The following PRR11 variants were observed in gnomAD, a reference collection of about 807,000 sequenced individuals.
PRR11 encodes the protein proline-rich protein 11.
A neutral mutation model predicts 45.6 loss-of-function variants in PRR11; 30 were observed. The observed-to-expected ratio is 0.66, with a 90% CI of 0.49 to 0.89. The LOEUF is 0.89. Ranked by LOEUF, PRR11 falls within the 40% of genes least tolerant of loss-of-function variation. The probability of loss-of-function intolerance (pLI) is 0.00; values close to 1 mark genes in which losing one functional copy is unlikely to be tolerated. For synonymous variants in PRR11, 128 were observed against 153.5 expected (o/e 0.83, Z 1.23); for missense variants, 373 against 424.8 (o/e 0.88, Z 1.07).
Position 59,201,637 on chromosome 17 carries a change from A to C in PRR11, c.*6A>C. 1 of 1,612,726 alleles carries C rather than the reference A, an allele frequency of 6.2e-7. No homozygotes were observed. Among genetic ancestry groups the C allele is most frequent in the Non-Finnish European group, 8.5e-7 (1 of 1,179,130 alleles). ...GCTTTGATGAACAAAACTGATGCCA[A>C]CTCTGCCTCACTCCATGAGATGATC... On this transcript the variant is annotated 3_prime_UTR_variant, in exon 10 of 10. Transcript: ENST00000262293.
rs536068531 is a variant in PRR11, at chr17:59,191,701, C to G, written c.403-1791C>G. Reference sequence around the variant, plus strand: ...TAAATGTAACCAAGTGCCTGTATTACATTACCCCTCTTTTCAATATCCAGA... The same window carrying G: ...TAAATGTAACCAAGTGCCTGTATTAGATTACCCCTCTTTTCAATATCCAGA... On this transcript the variant is annotated intron_variant, in intron 4 of 9. Transcript: ENST00000262293. Among the ~76,000 whole-genome samples, 103 of 152,226 alleles carry G rather than the reference C, an allele frequency of 6.8e-4. 1 individual carries two copies. Among genetic ancestry groups the G allele is most frequent in the Non-Finnish European group, 1.4e-3 (93 of 68,020 alleles).
chr17:59,188,543 T>C (rs1252926868), intron 4 of PRR11, among the ~76,000 whole-genome samples: 1 of 152,152 alleles, frequency 6.6e-6, no homozygotes, highest in Non-Finnish European at 1.5e-5. Flanking sequence ...AATTTAATAC[T>C]ATGTAGCCGT....
chr17:59,173,678 G>C (rs1238626060), intron 2 of PRR11, among the ~76,000 whole-genome samples: 1 of 152,164 alleles, frequency 6.6e-6, no homozygotes, highest in East Asian at 1.9e-4. Flanking sequence ...GTAACATGGC[G>C]AGGGTTGGCA....
At chr17:59,177,877 T>G (rs1404772467) in intron 2 of PRR11, among the ~76,000 whole-genome samples, 2 of 152,042 alleles carry the variant, frequency 1.3e-5, no homozygotes, top group African/African-American at 4.8e-5. Context: ...TGATGGCATG[T>G]GCCTGTACTC....
intron 9 of PRR11, among the ~76,000 whole-genome samples, chr17:59,200,898 T>A (rs886500551): frequency 6.6e-6 from 1 of 152,166 alleles, no homozygotes; most frequent in Non-Finnish European, 1.5e-5. Context: ...GTGCTGGGAT[T>A]ACAGGCGTGA....
intron 1 of PRR11, among the ~76,000 whole-genome samples, chr17:59,166,629 A>AGTGTATAGCATATTAGT (rs1226011099): frequency 7.9e-5 from 12 of 152,162 alleles, no homozygotes; most frequent in Admixed American, 2.0e-4. Flanking sequence ...GATATATGTT[A>AGTGTATAGCATATTAGT]GTGTATAGCA....
At chr17:59,191,103 G>A (rs2046838746) in intron 4 of PRR11, among the ~76,000 whole-genome samples, 1 of 152,194 alleles carries the variant, frequency 6.6e-6, no homozygotes, top group Non-Finnish European at 1.5e-5. Flanking sequence ...GAGAAGGCAA[G>A]GAGTTTCCTC....
rs115187004 is a variant in PRR11 at position 59,174,224 on chromosome 17, T to G, written c.128+4344T>G. ...ACCCTCAAAGAATGTGGCTTTGGACTTCATCACAACTGGGGCCTTTTGCAT... is the reference window on the plus strand; with the variant it reads ...ACCCTCAAAGAATGTGGCTTTGGACGTCATCACAACTGGGGCCTTTTGCAT... On this transcript the variant is annotated intron_variant, in intron 2 of 9. Transcript: ENST00000262293. 6.2e-3 allele frequency among the ~76,000 whole-genome samples: 946 copies of G among 152,302 alleles called. 6 individuals are homozygous for G. The highest frequency in any genetic ancestry group is 0.021 in the African/African-American group (889 of 41,568).
chr17:59,175,775 T>C (rs1176080378), intron 2 of PRR11, among the ~76,000 whole-genome samples: 2 of 152,010 alleles, frequency 1.3e-5, no homozygotes, highest in African/African-American at 4.8e-5. Flanking sequence ...AGGTGTGGTG[T>C]CACAGCCCTG....
chr17:59,200,515 C>T (rs1044034732), intron 9 of PRR11, among the ~76,000 whole-genome samples: 4 of 151,894 alleles, frequency 2.6e-5, no homozygotes, highest in South Asian at 2.1e-4. Flanking sequence ...TTTTTTGAGA[C>T]GGAGTCTCGC....
Position 59,185,216 on chromosome 17 carries a change from A to G in PRR11, c.279+12A>G, listed in dbSNP as rs779357874. 6.2e-6 allele frequency: 10 copies of G among 1,612,848 alleles called. No individual in the cohort carries two copies. The Admixed American group carries it at 1.5e-4, about 24-fold the overall frequency. On this transcript the variant is annotated intron_variant, in intron 3 of 9. Transcript: ENST00000262293. ...ACTGCATAACCCAGGTATGGATGTG[A>G]CATCCCTGTTTTCAGTGCTATAGTT...
chr17:59,181,524 G>C, intron 2 of PRR11: 1 of 1,175,442 alleles, frequency 8.5e-7, no homozygotes, highest in Non-Finnish European at 1.2e-6. Context: ...GCAGCCTGTT[G>C]AAGTCCTCAT....
In PRR11 at chr17:59,172,772, G is replaced by A. The variant is rs369206758; in HGVS notation, c.128+2892G>A. Among the ~76,000 whole-genome samples, 6 of 152,364 alleles carry A rather than the reference G, an allele frequency of 3.9e-5. No homozygotes were observed. In the South Asian group the frequency reaches 8.3e-4, roughly 21 times the overall value. On this transcript the variant is annotated intron_variant, in intron 2 of 9. Transcript: ENST00000262293. ...GCTGCCTCCCCGTGGGGCAGGGCTC[G>A]GGACCTGCAGCCCGCCATGCCTGAG...
At chr17:59,174,879 G>A (rs1599696212) in intron 2 of PRR11, 6 of 1,201,096 alleles carry the variant, frequency 5.0e-6, no homozygotes, top group East Asian at 3.0e-5. Flanking sequence ...GACTCCCCAG[G>A]ATACCCCTCC....
intron 9 of PRR11, 154 bp downstream of exon 9, chr17:59,197,943 G>C: frequency 1.5e-6 from 1 of 649,764 alleles, no homozygotes; most frequent in South Asian, 2.0e-5. Context: ...GTGAAACTCT[G>C]TCTCTACAAA....
chr17:59,191,788 A>T (rs2046841670), intron 4 of PRR11, among the ~76,000 whole-genome samples: 2 of 152,124 alleles, frequency 1.3e-5, no homozygotes, highest in Admixed American at 1.3e-4. Context: ...TCCCCTAAGC[A>T]AGGCCCCTAT....
intron 2 of PRR11, among the ~76,000 whole-genome samples, chr17:59,175,948 C>G (rs2046742679): frequency 6.6e-6 from 1 of 152,146 alleles, no homozygotes; most frequent in African/African-American, 2.4e-5. Flanking sequence ...TGTGCCAAGA[C>G]CCTGCCTTCT....
intron 7 of PRR11, among the ~76,000 whole-genome samples, chr17:59,196,846 T>C (rs2046868260): frequency 6.6e-6 from 1 of 152,024 alleles, no homozygotes; most frequent in African/African-American, 2.4e-5. Context: ...CGGCATCTAC[T>C]GCTATTTTTT....
chr17:59,192,179 G>A (rs1035388852), intron 4 of PRR11, among the ~76,000 whole-genome samples: 1 of 152,222 alleles, frequency 6.6e-6, no homozygotes. Context: ...ACAGAGAAGA[G>A]AAGCAATGTG....
Sources: gnomAD v4.1 joint callset for allele counts (sites outside exome capture counted in the v4.1 genomes callset) on GRCh38, gnomAD v4.1.1 for gene constraint, MANE v1.5 for transcripts, NCBI Gene and HGNC (gene_info 2026-07-23, HGNC 2026-07-21) for gene names.